DIAPH2: variants seen among roughly 807,000 people sequenced by gnomAD.
DIAPH2 encodes diaphanous related formin 2.
Under a neutral mutation model 92.7 loss-of-function variants are expected in DIAPH2, and 35 were observed. The ratio of observed to expected loss-of-function variants is 0.38; its 90% CI spans 0.29 to 0.50. DIAPH2 has a LOEUF of 0.50. Among genes scored for constraint, DIAPH2 ranks in the 20% least tolerant of loss-of-function variants. DIAPH2 has a pLI of 0.94. For synonymous variants in DIAPH2, 301 were observed against 280.4 expected (o/e 1.07, Z -0.73); for missense variants, 701 against 819.5 (o/e 0.86, Z 1.77).
chrX:97,106,710 G>A (rs1023187088), intron 20 of DIAPH2, among the ~76,000 whole-genome samples: 1 of 110,779 alleles, frequency 9.0e-6, no homozygotes, highest in Non-Finnish European at 1.9e-5. Context: ...GAGGCGGGTG[G>A]ATCACGAGAT....
At chrX:96,766,720 T>C (rs141253396) in intron 4 of DIAPH2, among the ~76,000 whole-genome samples, 240 of 112,384 alleles carry the variant, frequency 2.1e-3, no homozygotes, top group African/African-American at 6.9e-3. Flanking sequence ...AAAGCTAGAC[T>C]GAAATCCAAC....
chrX:97,484,190 A>G (rs768776138), intron 26 of DIAPH2, among the ~76,000 whole-genome samples: 1 of 111,694 alleles, frequency 9.0e-6, no homozygotes, highest in African/African-American at 3.2e-5. Flanking sequence ...TGCCCAGATC[A>G]TTTTTCTACA....
In DIAPH2 at chrX:97,039,686, G is replaced by C. The variant is rs781365437; in HGVS notation, c.2051-33255G>C. On this transcript the variant is annotated intron_variant, in intron 17 of 26. Transcript: ENST00000324765. The stretch of plus-strand genomic sequence containing the variant: ...TCTAACTTTTATACTTGTGGTTGGA[G>C]CCCAGCCAGCTTCTCCTGCTTTCTG... Among the ~76,000 whole-genome samples, 4 of 111,163 alleles carry C rather than the reference G, an allele frequency of 3.6e-5. No individual in the cohort carries two copies. The East Asian group carries it at 1.1e-3, about 31-fold the overall frequency.
At chrX:96,929,419 G>T (rs982453653) in intron 9 of DIAPH2, among the ~76,000 whole-genome samples, 1 of 110,927 alleles carries the variant, frequency 9.0e-6, no homozygotes, top group African/African-American at 3.3e-5. Flanking sequence ...CTATATTGTT[G>T]TATCATTCAG....
In DIAPH2 at chrX:97,105,193, G is replaced by T. The variant is rs1258224433; in HGVS notation, c.2349+5398G>T. 2.7e-5 allele frequency among the ~76,000 whole-genome samples: 3 copies of T among 111,507 alleles called. No homozygotes were observed. In the East Asian group the frequency reaches 8.4e-4, roughly 31 times the overall value. ...GACAAAACTGGGGGAAATTGTGAAA[G>T]AAAGAAACTTATCTAAGGCAGTGAC... On this transcript the variant is annotated intron_variant, in intron 20 of 26. Coordinates refer to ENST00000324765, the MANE Select transcript of DIAPH2 (RefSeq NM_006729.5).
chrX:97,146,514 T>G (rs1602373312), intron 22 of DIAPH2, among the ~76,000 whole-genome samples: 1 of 111,270 alleles, frequency 9.0e-6, no homozygotes, highest in East Asian at 2.8e-4. Flanking sequence ...CTGTGTGGTA[T>G]AGCAAATACC....
At chrX:96,820,305 A>G (rs2064769018) in intron 4 of DIAPH2, among the ~76,000 whole-genome samples, 1 of 111,645 alleles carries the variant, frequency 9.0e-6, no homozygotes, top group Admixed American at 9.5e-5. Context: ...TCCCATCTCT[A>G]CTGAAAATAC....
At chrX:97,241,248 A>T (rs2068090673) in intron 22 of DIAPH2, among the ~76,000 whole-genome samples, 1 of 111,969 alleles carries the variant, frequency 8.9e-6, no homozygotes, top group African/African-American at 3.2e-5. Context: ...AGCACATAGT[A>T]AGTACTCAGT....
chrX:97,371,465 C>T (rs2042783539), intron 24 of DIAPH2, among the ~76,000 whole-genome samples: 1 of 111,269 alleles, frequency 9.0e-6, no homozygotes, highest in Non-Finnish European at 1.9e-5. Context: ...ACAGACAAGA[C>T]GTGGGCTTAA....
At chrX:96,854,527 T>G (rs780162839) in intron 4 of DIAPH2, among the ~76,000 whole-genome samples, 1 of 98,797 alleles carries the variant, frequency 1.0e-5, no homozygotes, top group African/African-American at 3.6e-5. Flanking sequence ...CCTAACCCTT[T>G]ATATACTCTC....
chrX:96,705,413 A>AT (rs1374305330), intron 1 of DIAPH2, among the ~76,000 whole-genome samples: 1 of 112,271 alleles, frequency 8.9e-6, no homozygotes, highest in Non-Finnish European at 1.9e-5. Context: ...TTAAGAAAAT[A>AT]TATCAGCAGG....
chrX:97,510,154 A>T (rs2070875453), intron 26 of DIAPH2, among the ~76,000 whole-genome samples: 1 of 109,520 alleles, frequency 9.1e-6, no homozygotes, highest in Admixed American at 9.6e-5. Flanking sequence ...ATTTCTCCAC[A>T]TCCTCTCCAG....
chrX:96,720,174 C>T (rs1272766325), intron 1 of DIAPH2, among the ~76,000 whole-genome samples: 1 of 111,549 alleles, frequency 9.0e-6, no homozygotes, highest in Non-Finnish European at 1.9e-5. Context: ...GTACATATAG[C>T]TTCTTTCAGT....
chrX:96,992,034 A>C (rs562354263), intron 17 of DIAPH2, among the ~76,000 whole-genome samples: 1 of 111,020 alleles, frequency 9.0e-6, no homozygotes, highest in East Asian at 2.8e-4. Context: ...GGAATATATT[A>C]TGCATCTCTA....
At position 97,599,766 on chromosome X, in the gene DIAPH2, A is replaced by T. The variant is rs948579235; in HGVS notation, c.*449A>T. On this transcript the variant is annotated 3_prime_UTR_variant, in exon 27 of 27. Transcript: ENST00000324765. ...GTACATATATAATAGAAAAGGGCCA[A>T]GAAAAATATGCATCTTGATTTGGAG... 5.3e-5 allele frequency: 6 copies of T among 113,627 alleles called. No individual in the cohort carries two copies. Among genetic ancestry groups the T allele is most frequent in the African/African-American group, 1.9e-4 (6 of 30,990 alleles). 9.4% of individuals were successfully genotyped at this position (113,627 alleles called of 1,213,427 possible).
At position 97,555,430 on chromosome X, in the gene DIAPH2, T is replaced by C. The variant is rs183347367; in HGVS notation, c.3242-43823T>C. 634 of 748,428 alleles carry C rather than the reference T, an allele frequency of 8.5e-4. 4 individuals carry two copies. The Middle Eastern group carries it at 9.1e-3, about 11-fold the overall frequency. 61.7% of individuals were successfully genotyped at this position (748,428 alleles called of 1,213,427 possible). A position where few individuals can be genotyped will look rare whatever the true frequency, so the allele number is the denominator to read the frequency against. ...TTGTGTCTTATTTCACTCTACAGTT[T>C]TTAAGTGAAGGAGATAAGAAGAAAG... On this transcript the variant is annotated intron_variant, in intron 26 of 26. Coordinates refer to ENST00000324765, the MANE Select transcript of DIAPH2 (RefSeq NM_006729.5).
intron 5 of DIAPH2, among the ~76,000 whole-genome samples, chrX:96,898,500 G>T (rs2065365016): frequency 1.2e-5 from 1 of 83,158 alleles, no homozygotes. Context: ...TTATTCATGT[G>T]TCTTTTGGCT....
chrX:97,191,491 C>T (rs1005486548), intron 22 of DIAPH2, among the ~76,000 whole-genome samples: 3 of 111,015 alleles, frequency 2.7e-5, no homozygotes, highest in Non-Finnish European at 5.7e-5. Context: ...TTGTATCTTC[C>T]CTGGGAAGCA....
intron 5 of DIAPH2, among the ~76,000 whole-genome samples, chrX:96,898,314 A>G (rs773300762): frequency 2.9e-5 from 3 of 104,528 alleles, no homozygotes; most frequent in Non-Finnish European, 5.9e-5. Flanking sequence ...GACTTCCGCA[A>G]TGGTTGAACC....
Sources: gnomAD v4.1 joint callset for allele counts (sites outside exome capture counted in the v4.1 genomes callset) on GRCh38, gnomAD v4.1.1 for gene constraint, MANE v1.5 for transcripts, NCBI Gene and HGNC (gene_info 2026-07-23, HGNC 2026-07-21) for gene names.